The following UNC13A variants were observed in gnomAD, a reference collection of about 807,000 sequenced individuals.
UNC13A encodes the protein protein unc-13 homolog A.
A neutral mutation model predicts 219.7 loss-of-function variants in UNC13A; 61 were observed. The observed-to-expected ratio is 0.28, with a 90% CI of 0.23 to 0.34. UNC13A has a LOEUF of 0.34. Among genes scored for constraint, UNC13A ranks in the 10% least tolerant of loss-of-function variants. The pLI is 1.00. For synonymous variants in UNC13A, 920 were observed against 884.6 expected (o/e 1.04, Z -0.71); for missense variants, 1,476 against 2,270.3 (o/e 0.65, Z 7.11).
At chr19:17,630,845 C>G (rs1599352329) in intron 28 of UNC13A, 95 bp from the exon 29 acceptor site, 1 of 1,096,356 alleles carries the variant, frequency 9.1e-7, no homozygotes, top group Non-Finnish European at 1.3e-6. Context: ...GGAGCTATGG[C>G]TGCTCCTGCT....
chr19:17,622,810 A>G (rs2076742558), intron 36 of UNC13A: 1 of 152,804 alleles, frequency 6.5e-6, no homozygotes, highest in Admixed American at 6.5e-5. Context: ...TTTGGTTCTT[A>G]GAACTACCCT....
chr19:17,683,632 C>T (rs7248233), intron 1 of UNC13A, among the ~76,000 whole-genome samples: 91,376 of 151,508 alleles, frequency 0.6, 28,880 homozygotes, highest in African/African-American at 0.73. Context: ...CACTGCAGTC[C>T]GGGTGACAGA....
intron 2 of UNC13A, among the ~76,000 whole-genome samples, chr19:17,675,453 G>A (rs990895987): frequency 1.6e-4 from 25 of 151,620 alleles, no homozygotes; most frequent in African/African-American, 5.1e-4. Flanking sequence ...CCAACATGGC[G>A]AAACCCCATC....
intron 9 of UNC13A, among the ~76,000 whole-genome samples, chr19:17,657,308 A>T (rs73528015): frequency 0.018 from 2,807 of 152,102 alleles, 78 homozygotes; most frequent in African/African-American, 0.064. Flanking sequence ...AAACCTGTGC[A>T]CTTGCCGTGG....
intron 5 of UNC13A, 45 bp from the exon 6 acceptor site, chr19:17,668,235 C>T (rs1380037532): frequency 7.6e-6 from 8 of 1,053,390 alleles, no homozygotes; most frequent in South Asian, 1.5e-5. Context: ...CCCTCCCTGC[C>T]GCTCAGCCTC....
At chr19:17,643,606 C>G (rs1207429603) in intron 19 of UNC13A, among the ~76,000 whole-genome samples, 1 of 152,178 alleles carries the variant, frequency 6.6e-6, no homozygotes, top group African/African-American at 2.4e-5. Flanking sequence ...ATACACGATT[C>G]TGTAGTCCTC....
chr19:17,620,809 T>G, intron 37 of UNC13A, 87 bp from the exon 38 acceptor site: 1 of 1,494,998 alleles, frequency 6.7e-7, no homozygotes, highest in Non-Finnish European at 9.2e-7. Context: ...CAAAGCACAG[T>G]CTCACTTCCC....
intron 17 of UNC13A, 36 bp downstream of exon 17, chr19:17,647,229 G>C (rs1180854583): frequency 6.5e-7 from 1 of 1,531,732 alleles, no homozygotes; most frequent in African/African-American, 1.4e-5. Context: ...AGAGGGTGGA[G>C]AAGGAGGGGC....
In UNC13A at chr19:17,601,830, G is replaced by C. The variant is rs1348636596; in HGVS notation, c.*4224C>G. On this transcript the variant is annotated 3_prime_UTR_variant, in exon 44 of 44. Transcript: ENST00000519716. ...TCTCTGAAACAATAAAAGGCAAAGA[G>C]AAAAGCAACACGTGTCAGCAAAGAC... is the stretch of plus-strand genomic sequence containing the variant. 1 of 152,628 alleles carries C rather than the reference G, an allele frequency of 6.6e-6. No homozygotes were observed. Among genetic ancestry groups the C allele is most frequent in the African/African-American group, 2.4e-5 (1 of 41,440 alleles). The allele number at this position is 152,628 out of a possible 1,614,324, so 9.5% of individuals were successfully genotyped here.
At chr19:17,606,586 AT>A (rs1019071102) in intron 43 of UNC13A, among the ~76,000 whole-genome samples, 3 of 150,138 alleles carry the variant, frequency 2.0e-5, no homozygotes, top group Non-Finnish European at 3.0e-5. Flanking sequence ...TGTTCTTCCC[AT>A]TTTTCCACCC....
chr19:17,648,957 G>A lies in UNC13A; in HGVS notation c.1551C>T (p.Gly517=). ...AMSLVQSRKA[G]ITSALASSTL... is the part of the protein sequence containing the mutation. ...TGCTGGAGGCCAAGGCCGAGGTGATGCCCGCTTTCCTGGACTGGACCAGGG... is the reference window on the plus strand; with the variant it reads ...TGCTGGAGGCCAAGGCCGAGGTGATACCCGCTTTCCTGGACTGGACCAGGG... Residue 517 remains glycine, a synonymous_variant, in exon 15 of 44, where the codon GGC becomes GGT. Transcript: ENST00000519716. The A allele has an allele frequency of 1.9e-6, 3 of 1,605,202 alleles. No individual in the cohort carries two copies. The highest frequency in any genetic ancestry group is 2.6e-6 in the Non-Finnish European group (3 of 1,176,392).
chr19:17,613,484 C>A (rs1336378992), intron 41 of UNC13A, among the ~76,000 whole-genome samples: 1 of 151,978 alleles, frequency 6.6e-6, no homozygotes, highest in Non-Finnish European at 1.5e-5. Context: ...GTTTTTGTGA[C>A]CTGCAACACC....
At chr19:17,671,768 T>G (rs1022563133) in intron 4 of UNC13A, among the ~76,000 whole-genome samples, 5 of 152,086 alleles carry the variant, frequency 3.3e-5, no homozygotes, top group Admixed American at 2.6e-4. Flanking sequence ...AGTGAGACCC[T>G]GTCTCAAAAA....
intron 1 of UNC13A, among the ~76,000 whole-genome samples, chr19:17,681,784 C>T (rs1268065707): frequency 1.3e-5 from 2 of 152,152 alleles, no homozygotes; most frequent in Admixed American, 6.5e-5. Flanking sequence ...TGCTCGGTCC[C>T]ACCCGTGTAC....
intron 2 of UNC13A, among the ~76,000 whole-genome samples, chr19:17,675,630 C>CAAA (rs35996994): frequency 0.016 from 2,007 of 127,364 alleles, 34 homozygotes; most frequent in African/African-American, 0.054. Flanking sequence ...GACTCTGTCT[C>CAAA]AAAAAAAAAA....
chr19:17,652,031 G>A (rs10416927), intron 12 of UNC13A, among the ~76,000 whole-genome samples: 23,752 of 152,010 alleles, frequency 0.16, 2,778 homozygotes, highest in African/African-American at 0.33. Flanking sequence ...TAGAATCAAC[G>A]CAAAAATTTT....
intron 1 of UNC13A, among the ~76,000 whole-genome samples, chr19:17,687,929 G>T (rs969364686): frequency 4.9e-5 from 7 of 143,160 alleles, no homozygotes; most frequent in African/African-American, 1.5e-4. Context: ...GTCCACACGG[G>T]CCTCCGCGTT....
intron 38 of UNC13A, among the ~76,000 whole-genome samples, chr19:17,620,457 C>T (rs1436683861): frequency 1.3e-5 from 2 of 152,084 alleles, no homozygotes; most frequent in Non-Finnish European, 2.9e-5. Flanking sequence ...CCCTGCTGCA[C>T]CCACCTGTAG....
chr19:17,637,166 G>T (rs547017513), intron 25 of UNC13A, among the ~76,000 whole-genome samples: 21 of 151,912 alleles, frequency 1.4e-4, no homozygotes, highest in Non-Finnish European at 2.9e-4. Flanking sequence ...GCAAAGATAG[G>T]GTCTCGCTAT....
Sources: allele counts gnomAD v4.1 joint callset (sites outside exome capture counted in the v4.1 genomes callset), GRCh38; gene constraint gnomAD v4.1.1; transcripts MANE v1.5; gene names NCBI Gene and HGNC (gene_info 2026-07-23, HGNC 2026-07-21).